ATP11A: variants seen among roughly 807,000 people sequenced by gnomAD.
ATP11A encodes ATPase phospholipid transporting 11A, also known as phospholipid-transporting ATPase IH.
In ATP11A, 81 loss-of-function variants were observed where a neutral mutation model predicts 154.4. The ratio of observed to expected loss-of-function variants is 0.52; its 90% confidence interval spans 0.44 to 0.63. ATP11A has a LOEUF of 0.63. Among genes scored for constraint, ATP11A ranks in the 30% least tolerant of loss-of-function variants. The probability of loss-of-function intolerance (pLI) is 0.00; values close to 1 mark genes in which losing one functional copy is unlikely to be tolerated. For missense variants in ATP11A, 1,316 were observed against 1,474.3 expected (o/e 0.89, Z 1.76); for synonymous variants, 623 against 585.9 (o/e 1.06, Z -0.91).
chr13:112,764,764 G>A lies in ATP11A; in HGVS notation c.40-20371G>A, dbSNP rs190815825. Among the ~76,000 whole-genome samples the A allele has an allele frequency of 1.3e-3, 193 of 152,332 alleles. No individual in the cohort carries two copies. In the East Asian group the frequency reaches 0.013, roughly 10 times the overall value. ...GTGGGCTGGAAGTGCAGAGTCCTGCGTTCACACTGGATGGCTACTGAGGTG... is the reference window on the plus strand; with the variant it reads ...GTGGGCTGGAAGTGCAGAGTCCTGCATTCACACTGGATGGCTACTGAGGTG... On this transcript the variant is annotated intron_variant, in intron 1 of 29. Transcript: ENST00000375645.
intron 1 of ATP11A, among the ~76,000 whole-genome samples, chr13:112,708,809 T>C (rs969443320): frequency 6.6e-6 from 1 of 152,158 alleles, no homozygotes; most frequent in Non-Finnish European, 1.5e-5. Flanking sequence ...AACGAGTGGC[T>C]CTCCCGCCTG....
At chr13:112,880,520 G>A (rs1207715717) in intron 29 of ATP11A, 17 of 1,291,876 alleles carry the variant, frequency 1.3e-5, no homozygotes, top group Admixed American at 6.9e-5. Flanking sequence ...GGCCCACGTC[G>A]CTCAGTATCT....
At chr13:112,868,221 G>A (rs973970290) in intron 25 of ATP11A, among the ~76,000 whole-genome samples, 5 of 152,240 alleles carry the variant, frequency 3.3e-5, no homozygotes, top group South Asian at 2.1e-4. Flanking sequence ...AAACACGAGC[G>A]GTCCGCGTAT....
At position 112,825,541 on chromosome 13, in the gene ATP11A, G is replaced by A. The variant is rs367845096; in HGVS notation, c.984G>A (p.Trp328Ter). Residue 328 changes from tryptophan (W) to a stop codon, truncating the protein, a stop_gained, in exon 11 of 30, where the codon TGG becomes TGA. Coordinates refer to ENST00000375645, the MANE Select transcript of ATP11A (RefSeq NM_015205.3). LOFTEE classifies it high-confidence loss of function. ...GTGAGCCCTTTCGGGATGAGCCGTG[G>A]TATAATCAGAAAACGGAGTCGGAAA... ...WQSEPFRDEP[W>*]YNQKTESERQ... 2 of 1,613,788 alleles carry A rather than the reference G, an allele frequency of 1.2e-6. No homozygotes were observed. Among genetic ancestry groups the A allele is most frequent in the Non-Finnish European group, 1.7e-6 (2 of 1,179,872 alleles).
rs902341610 is a variant in ATP11A, at chr13:112,767,895, C to T, written c.40-17240C>T. Among the ~76,000 whole-genome samples the T allele has an allele frequency of 2.6e-5, 4 of 152,114 alleles. No individual in the cohort carries two copies. In the South Asian group the frequency reaches 8.3e-4, roughly 32 times the overall value. On this transcript the variant is annotated intron_variant, in intron 1 of 29. Transcript: ENST00000375645. ...ACCCCTCGCAGCACTCAGGTGTGGC[C>T]CGTGGACTTGTGGTTTCGCTGCTGG...
At chr13:112,806,056 A>G (rs1764322841) in intron 3 of ATP11A, among the ~76,000 whole-genome samples, 157 bp from the exon 4 acceptor site, 1 of 152,186 alleles carries the variant, frequency 6.6e-6, no homozygotes, top group East Asian at 1.9e-4. Flanking sequence ...AAATAGGACG[A>G]TTGACTTGCT....
intron 2 of ATP11A, among the ~76,000 whole-genome samples, chr13:112,787,012 C>G (rs1360995131): frequency 6.8e-6 from 1 of 147,556 alleles, no homozygotes; most frequent in Non-Finnish European, 1.5e-5. Context: ...TAATCCACAC[C>G]GGGTGTCCTG....
At chr13:112,716,157 C>T (rs996528578) in intron 1 of ATP11A, among the ~76,000 whole-genome samples, 2 of 152,172 alleles carry the variant, frequency 1.3e-5, no homozygotes, top group Non-Finnish European at 2.9e-5. Flanking sequence ...TGCTGGGAGC[C>T]ACAGCACCCT....
At chr13:112,855,193 G>T (rs556144484) in intron 19 of ATP11A, among the ~76,000 whole-genome samples, 1 of 152,050 alleles carries the variant, frequency 6.6e-6, no homozygotes, top group East Asian at 1.9e-4. Context: ...GGATTGGAGG[G>T]TTTTTTTTGT....
intron 1 of ATP11A, among the ~76,000 whole-genome samples, chr13:112,722,052 CTG>C (rs1321563202): frequency 6.6e-6 from 1 of 152,122 alleles, no homozygotes; most frequent in Non-Finnish European, 1.5e-5. Flanking sequence ...AAACCAAACT[CTG>C]TATCAGTGAA....
intron 2 of ATP11A, among the ~76,000 whole-genome samples, chr13:112,804,191 GCCCTCCTTC>G (rs1441984970): frequency 1.2e-3 from 1 of 830 alleles, no homozygotes; most frequent in East Asian, 0.012. Context: ...TCCCCTCTCT[GCCCTCCTTC>G]CCCTCCTTCC....
intron 26 of ATP11A, 146 bp downstream of exon 26, chr13:112,871,946 C>T (rs553361880): frequency 5.8e-4 from 481 of 835,102 alleles, no homozygotes; most frequent in Non-Finnish European, 6.8e-4. Flanking sequence ...TCCTGGGGCA[C>T]CCCTGGGCAT....
At chr13:112,829,648 G>A (rs2079036348) in intron 12 of ATP11A, among the ~76,000 whole-genome samples, 1 of 152,168 alleles carries the variant, frequency 6.6e-6, no homozygotes, top group Non-Finnish European at 1.5e-5. Flanking sequence ...AGAAGACAAG[G>A]CTGCACACAT....
intron 1 of ATP11A, among the ~76,000 whole-genome samples, chr13:112,781,130 C>T (rs540500380): frequency 4.6e-5 from 7 of 152,246 alleles, no homozygotes; most frequent in East Asian, 3.9e-4. Context: ...CCTCCACCTC[C>T]GGGTTCAAGC....
intron 25 of ATP11A, among the ~76,000 whole-genome samples, chr13:112,864,953 T>C (rs143706471): frequency 0.046 from 1,034 of 22,452 alleles, 24 homozygotes; most frequent in Middle Eastern, 0.15. Flanking sequence ...ATGCAGCTTC[T>C]CAGCAGGGTC....
At position 112,816,172 on chromosome 13, in the gene ATP11A, C is replaced by G; in HGVS notation, c.531C>G (p.His177Gln). The G allele has an allele frequency of 6.2e-7, 1 of 1,614,174 alleles. No individual in the cohort carries two copies. Among genetic ancestry groups the G allele is most frequent in the Non-Finnish European group, 8.5e-7 (1 of 1,180,040 alleles). Residue 177 changes from histidine (H) to glutamine (Q), a missense_variant, in exon 6 of 30, where the codon CAC becomes CAG. By Grantham distance (24) the His-to-Gln change is conservative. Around this residue, in one of 5 missense-constraint regions of ATP11A, gnomAD observed 876 missense variants for 1,006.8 expected, o/e 0.87. Transcript: ENST00000375645. ...GCAACCGGGGAGATGGGACGTGCCACGTCACCACCGCCAGCTTGGATGGAG... is the reference window on the plus strand; with the variant it reads ...GCAACCGGGGAGATGGGACGTGCCAGGTCACCACCGCCAGCTTGGATGGAG... ...LSSNRGDGTC[H>Q]VTTASLDGES...
At chr13:112,880,569 A>G (rs1173201932) in intron 29 of ATP11A, 1 of 1,300,260 alleles carries the variant, frequency 7.7e-7, no homozygotes, top group African/African-American at 1.5e-5. Flanking sequence ...ACAAGGCTCC[A>G]GTCCAGGCCG....
chr13:112,698,158 T>C (rs888366468), intron 1 of ATP11A, among the ~76,000 whole-genome samples: 1 of 152,110 alleles, frequency 6.6e-6, no homozygotes, highest in African/African-American at 2.4e-5. Context: ...CATCCCCACA[T>C]TTCCCCACTT....
intron 1 of ATP11A, among the ~76,000 whole-genome samples, chr13:112,710,178 C>T (rs1594365962): frequency 6.6e-6 from 1 of 152,334 alleles, no homozygotes; most frequent in East Asian, 1.9e-4. Flanking sequence ...CCATGTGGTC[C>T]TCCCTCTTTG....
Sources: allele counts gnomAD v4.1 joint callset (sites outside exome capture counted in the v4.1 genomes callset), GRCh38; gene constraint gnomAD v4.1.1; regional missense constraint gnomAD v4.1.1; transcripts MANE v1.5; gene names NCBI Gene and HGNC (gene_info 2026-07-23, HGNC 2026-07-21).